STIM2: variants seen among roughly 807,000 people sequenced by gnomAD.
The protein encoded by STIM2 is stromal interaction molecule 2.
A neutral mutation model predicts 85.8 loss-of-function variants in STIM2; 31 were observed. The ratio of observed to expected loss-of-function variants is 0.36; its 90% confidence interval spans 0.27 to 0.49. The LOEUF (loss-of-function observed/expected upper bound fraction) is 0.49, where lower values mean the gene tolerates loss of function less well. Ranked by LOEUF, STIM2 falls within the 20% of genes least tolerant of loss-of-function variation. The pLI, the probability that STIM2 is intolerant of heterozygous loss-of-function variation, is 0.98. For synonymous variants in STIM2, 356 were observed against 331.1 expected (o/e 1.08, Z -0.82); for missense variants, 841 against 927.6 (o/e 0.91, Z 1.21).
chr4:26,955,975 T>C (rs536643658), intron 2 of STIM2, among the ~76,000 whole-genome samples: 100 of 152,316 alleles, frequency 6.6e-4, no homozygotes, highest in Non-Finnish European at 1.1e-3. Flanking sequence ...AAATTTTCTT[T>C]TTTAGTTTCA....
intron 3 of STIM2, among the ~76,000 whole-genome samples, chr4:26,973,489 G>C (rs573293539): frequency 2.0e-5 from 3 of 151,970 alleles, no homozygotes; most frequent in African/African-American, 4.8e-5. Context: ...CCTTCATTTC[G>C]TTATTTTCCC....
intron 3 of STIM2, among the ~76,000 whole-genome samples, chr4:26,980,641 A>G (rs1313707705): frequency 6.6e-6 from 1 of 152,190 alleles, no homozygotes; most frequent in Non-Finnish European, 1.5e-5. Flanking sequence ...ATTCTAGCCC[A>G]TAAAAGTTGA....
intron 1 of STIM2, among the ~76,000 whole-genome samples, chr4:26,916,259 A>C (rs1724576469): frequency 6.6e-6 from 1 of 152,230 alleles, no homozygotes; most frequent in African/African-American, 2.4e-5. Context: ...ACTTTAAAGG[A>C]AATAAAATTT....
rs1034387143 is a variant in STIM2, at chr4:27,023,103, T to C, written c.*107T>C. The C allele has an allele frequency of 5.9e-5, 66 of 1,113,814 alleles. No homozygotes were observed. The highest frequency in any genetic ancestry group is 2.1e-4 in the East Asian group (9 of 42,550). The allele number at this position is 1,113,814 out of a possible 1,614,324, so 69.0% of individuals were successfully genotyped here. On this transcript the variant is annotated 3_prime_UTR_variant, in exon 12 of 12. Coordinates refer to ENST00000467087, the MANE Select transcript of STIM2 (RefSeq NM_020860.4). Reference sequence around the variant, plus strand: ...GTTTAATTTTAGGAATGTAACTCCATTGGGGCTTTCCAGGCCGGATGCCAT... The same window carrying C: ...GTTTAATTTTAGGAATGTAACTCCACTGGGGCTTTCCAGGCCGGATGCCAT...
intron 2 of STIM2, among the ~76,000 whole-genome samples, chr4:26,929,772 A>G (rs1019691637): frequency 1.3e-5 from 2 of 152,146 alleles, no homozygotes; most frequent in African/African-American, 2.4e-5. Flanking sequence ...ATAGATTAGG[A>G]ACAAGATAGA....
chr4:27,007,711 G>A lies in STIM2; in HGVS notation c.1149+11G>A. On this transcript the variant is annotated intron_variant, in intron 8 of 11. Coordinates refer to ENST00000467087, the MANE Select transcript of STIM2 (RefSeq NM_020860.4). ...ATTGCTAAAGATGAGGTACTCTCTT[G>A]TATTTCAAAATTTACTAAATTTGTT... 1 of 1,542,604 alleles carries A rather than the reference G, an allele frequency of 6.5e-7. No individual in the cohort carries two copies. The highest frequency in any genetic ancestry group is 8.7e-7 in the Non-Finnish European group (1 of 1,146,616).
At chr4:26,997,391 C>T (rs1472724830) in intron 4 of STIM2, among the ~76,000 whole-genome samples, 3 of 152,110 alleles carry the variant, frequency 2.0e-5, no homozygotes, top group Non-Finnish European at 2.9e-5. Context: ...TTAAACCTTT[C>T]GCTGTGTTTT....
intron 3 of STIM2, among the ~76,000 whole-genome samples, chr4:26,987,738 A>G (rs1727632664): frequency 1.3e-5 from 2 of 152,204 alleles, no homozygotes; most frequent in African/African-American, 4.8e-5. Flanking sequence ...GTAGGCCCCA[A>G]TGTATACTTG....
chr4:26,915,411 T>G (rs191383493), intron 1 of STIM2, among the ~76,000 whole-genome samples: 1 of 152,006 alleles, frequency 6.6e-6, no homozygotes, highest in Non-Finnish European at 1.5e-5. Context: ...ATTTTTGTAT[T>G]TTTCGTAGGG....
chr4:26,892,979 A>G (rs935567412), intron 1 of STIM2, among the ~76,000 whole-genome samples: 1 of 152,248 alleles, frequency 6.6e-6, no homozygotes. Flanking sequence ...TAAGTTTATA[A>G]TAATGCACTG....
At chr4:26,912,383 G>A (rs1724377397) in intron 1 of STIM2, among the ~76,000 whole-genome samples, 1 of 152,150 alleles carries the variant, frequency 6.6e-6, no homozygotes, top group South Asian at 2.1e-4. Flanking sequence ...AGGGAACCTA[G>A]CTCTAAAGAC....
At chr4:26,934,191 C>CA (rs1165235131) in intron 2 of STIM2, among the ~76,000 whole-genome samples, 1 of 147,626 alleles carries the variant, frequency 6.8e-6, no homozygotes, top group Admixed American at 6.7e-5. Context: ...GAGACTATCT[C>CA]AAAAAAAGAA....
intron 3 of STIM2, among the ~76,000 whole-genome samples, chr4:26,977,136 CAG>C (rs564856468): frequency 3.6e-4 from 55 of 152,168 alleles, no homozygotes; most frequent in African/African-American, 1.3e-3. Flanking sequence ...GAGGGTGAGT[CAG>C]GGGACAATCT....
intron 1 of STIM2, among the ~76,000 whole-genome samples, chr4:26,868,337 A>G (rs1722480616): frequency 6.6e-6 from 1 of 152,110 alleles, no homozygotes; most frequent in Non-Finnish European, 1.5e-5. Flanking sequence ...CCTCTGTGTA[A>G]CTTTTTTCTC....
At chr4:26,873,037 G>T (rs986248527) in intron 1 of STIM2, among the ~76,000 whole-genome samples, 11 of 152,202 alleles carry the variant, frequency 7.2e-5, no homozygotes, top group African/African-American at 2.7e-4. Flanking sequence ...ATGAGATCTG[G>T]CTATAGAAAA....
At chr4:26,959,859 C>A (rs1008623469) in intron 3 of STIM2, among the ~76,000 whole-genome samples, 1 of 152,130 alleles carries the variant, frequency 6.6e-6, no homozygotes, top group African/African-American at 2.4e-5. Context: ...GTTATCTCCT[C>A]TCTGCTTCCT....
chr4:26,928,155 G>A (rs1725053186), intron 2 of STIM2, among the ~76,000 whole-genome samples: 1 of 151,960 alleles, frequency 6.6e-6, no homozygotes, highest in Admixed American at 6.6e-5. Flanking sequence ...TTTTATAAGG[G>A]CATTAATTCC....
intron 7 of STIM2, among the ~76,000 whole-genome samples, chr4:27,005,219 T>C (rs1436912827): frequency 6.6e-6 from 1 of 152,226 alleles, no homozygotes. Context: ...GTTTTTTATA[T>C]AGTGTTATTT....
At chr4:26,908,919 A>G (rs1156729236) in intron 1 of STIM2, among the ~76,000 whole-genome samples, 2 of 152,172 alleles carry the variant, frequency 1.3e-5, no homozygotes, top group Non-Finnish European at 2.9e-5. Flanking sequence ...TAAATGAAAG[A>G]CTGATATTTT....
Sources: allele counts gnomAD v4.1 joint callset (sites outside exome capture counted in the v4.1 genomes callset), GRCh38; gene constraint gnomAD v4.1.1; transcripts MANE v1.5; gene names NCBI Gene and HGNC (gene_info 2026-07-23, HGNC 2026-07-21).